Variants in REXO1 observed in about 807,000 individuals in gnomAD.
REXO1 encodes RNA exonuclease 1 homolog.
A neutral mutation model predicts 102.6 loss-of-function variants in REXO1; 42 were observed. The observed-to-expected ratio is 0.41, with a 90% CI of 0.32 to 0.53. The LOEUF is 0.53. REXO1 is among the 20% of genes least tolerant of loss of function. The pLI is 0.27. For missense variants in REXO1, 1,819 were observed against 1,732.5 expected, an observed-to-expected ratio of 1.05 and a Z score of -0.89; for synonymous variants, 908 against 779.1, an observed-to-expected ratio of 1.17 and a Z score of -2.76.
In REXO1 at chr19:1,827,510, C is replaced by T. The variant is rs1599144415; in HGVS notation, c.1279G>A (p.Ala427Thr). ...TTCTTGGTCCCTTCCGGCCGCTCTG[C>T]CTTGCGCCGGGGGCTGCTGGCCTGC... is the stretch of plus-strand genomic sequence containing the variant. ...GPQASSPRRK[A>T]ERPEGTKKKP... The change falls in exon 2 of 16, where the codon GCA becomes ACA. Residue 427 changes from alanine to threonine, a missense_variant. Ala to Thr is a moderately conservative substitution (Grantham distance 58). Coordinates refer to ENST00000170168, the MANE Select transcript of REXO1 (RefSeq NM_020695.4). 6.3e-7 allele frequency: 1 copy of T among 1,582,926 alleles called. No homozygotes were observed. Among genetic ancestry groups the T allele is most frequent in the Non-Finnish European group, 8.5e-7 (1 of 1,173,670 alleles).
In REXO1 at chr19:1,817,215, T is replaced by G. The variant is rs201459041; in HGVS notation, c.3201+4A>C. ...ACCCGACGCTGGGCAGAGAACAGCCTCACCATCTCGCAGTCCAGGGCGTAG... is the reference window on the plus strand; with the variant it reads ...ACCCGACGCTGGGCAGAGAACAGCCGCACCATCTCGCAGTCCAGGGCGTAG... On this transcript the variant is annotated splice_donor_region_variant and intron_variant, in intron 12 of 15. Transcript: ENST00000170168. 34 of 1,612,152 alleles carry G rather than the reference T, an allele frequency of 2.1e-5. No individual in the cohort carries two copies. In the East Asian group the frequency reaches 6.5e-4, roughly 31 times the overall value.
chr19:1,816,628 CGGGGGA>C, intron 13 of REXO1, 59 bp from the exon 14 acceptor site: 1 of 189,050 alleles, frequency 5.3e-6, no homozygotes, highest in Non-Finnish European at 1.0e-5. Context: ...GCTGGTGGGG[CGGGGGA>C]GGGTGGGTCC....
At chr19:1,817,556 G>C (rs959165024) in intron 11 of REXO1, 151 bp downstream of exon 11, 10 of 1,447,918 alleles carry the variant, frequency 6.9e-6, no homozygotes, top group Non-Finnish European at 9.2e-6. Context: ...GGGCCTACGG[G>C]TGCTACGTTC....
chr19:1,817,520 TG>T (rs1420597466), intron 11 of REXO1, 186 bp downstream of exon 11: 2 of 1,465,430 alleles, frequency 1.4e-6, no homozygotes, highest in African/African-American at 1.4e-5. Context: ...CTTCCCAGGA[TG>T]GGAAGTGGCC....
chr19:1,825,186 G>A (rs1195063557), intron 3 of REXO1, among the ~76,000 whole-genome samples: 1 of 150,276 alleles, frequency 6.7e-6, no homozygotes, highest in Non-Finnish European at 1.5e-5. Context: ...TGTAATCCCA[G>A]GTACTCGGGA....
At position 1,826,022 on chromosome 19, in the gene REXO1, G is replaced by T; in HGVS notation, c.1912-79C>A. ...CACACCCCAACCTCAAACTGCCCCC[G>T]GCAAGTGGGGAATGGAACAGTCCAG... is the stretch of plus-strand genomic sequence containing the variant. On this transcript the variant is annotated intron_variant, in intron 2 of 15. Transcript: ENST00000170168. The surrounding 1 kb of genome is among the most constrained non-coding windows in gnomAD (Gnocchi z 4.3). 9.9e-7 allele frequency: 1 copy of T among 1,005,386 alleles called. No homozygotes were observed. Among genetic ancestry groups the T allele is most frequent in the Non-Finnish European group, 1.6e-6 (1 of 637,814 alleles). 62.3% of individuals were successfully genotyped at this position (1,005,386 alleles called of 1,614,324 possible).
chr19:1,845,083 G>A (rs1303263549), intron 1 of REXO1, among the ~76,000 whole-genome samples: 1 of 152,192 alleles, frequency 6.6e-6, no homozygotes, highest in Non-Finnish European at 1.5e-5. Context: ...AGTGGGCAGA[G>A]GCCTGGGTTC....
At chr19:1,822,086 T>C in intron 4 of REXO1, 1 of 433,954 alleles carries the variant, frequency 2.3e-6, no homozygotes, top group Non-Finnish European at 4.0e-6. Context: ...TGCCTTGCCC[T>C]TTGATGAAGT....
At position 1,826,091 on chromosome 19, in the gene REXO1, G is replaced by A; in HGVS notation, c.1912-148C>T. The A allele has an allele frequency of 3.2e-6, 2 of 626,020 alleles. No homozygotes were observed. Among genetic ancestry groups the A allele is most frequent in the East Asian group, 2.8e-5 (1 of 35,816 alleles). 38.8% of individuals were successfully genotyped at this position (626,020 alleles called of 1,614,324 possible). A position where few individuals can be genotyped will look rare whatever the true frequency, so the allele number is the denominator to read the frequency against. On this transcript the variant is annotated intron_variant, in intron 2 of 15. Coordinates refer to ENST00000170168, the MANE Select transcript of REXO1 (RefSeq NM_020695.4). The surrounding 1 kb of genome is among the most constrained non-coding windows in gnomAD (Gnocchi z 4.3). ...GAGGGCTCAGGGCCAACAGTCCCTG[G>A]GCTTTGTGTGGGTGCAGTCGGAGGG... is the stretch of plus-strand genomic sequence containing the variant.
In REXO1 at chr19:1,827,462, C is replaced by T; in HGVS notation, c.1327G>A (p.Val443Met). 6.4e-7 allele frequency: 1 copy of T among 1,570,204 alleles called. No individual in the cohort carries two copies. The highest frequency in any genetic ancestry group is 8.6e-7 in the Non-Finnish European group (1 of 1,169,070). The change falls in exon 2 of 16, where the codon GTG (valine) becomes ATG (methionine). Residue 443 changes from valine to methionine, a missense_variant. Transcript: ENST00000170168. ...TKKKPSSATP[V>M]ATSGKGRPDR... ...GGCCTCCCTTTCCCTGAGGTGGCCA[C>T]AGGAGTGGCCGAAGATGGCTTCTTC...
Position 1,848,198 on chromosome 19 carries a change from T to G in REXO1, c.157+4A>C. On this transcript the variant is annotated splice_donor_region_variant and intron_variant, in intron 1 of 15. Coordinates refer to ENST00000170168, the MANE Select transcript of REXO1 (RefSeq NM_020695.4). ...CCCAAGGCAAGCAGGCGGGCGGGCA[T>G]TACCTGCTGCGGGGGGCGCCTCTCC... is the stretch of plus-strand genomic sequence containing the variant. The G allele has an allele frequency of 8.2e-7, 1 of 1,214,566 alleles. No individual in the cohort carries two copies. Among genetic ancestry groups the G allele is most frequent in the Non-Finnish European group, 1.0e-6 (1 of 972,712 alleles). 75.2% of individuals were successfully genotyped at this position (1,214,566 alleles called of 1,614,324 possible).
In REXO1 at chr19:1,818,715, G is replaced by A; in HGVS notation, c.2893C>T (p.Pro965Ser). 2 of 1,610,982 alleles carry A rather than the reference G, an allele frequency of 1.2e-6. No individual in the cohort carries two copies. Among genetic ancestry groups the A allele is most frequent in the Non-Finnish European group, 1.7e-6 (2 of 1,179,888 alleles). ...AIIFTAEEKR[P>S]KDSSCRTCCR... ...CAGGCCAGCGACTCACAGTCCTTGG[G>A]CCTCTTCTCCTCAGCTGTGAAGATG... The change falls in exon 9 of 16, where the codon CCC (proline) becomes TCC (serine). Residue 965 changes from proline (P) to serine (S), a missense_variant. Physicochemically the swap from Pro to Ser is moderately conservative, Grantham distance 74 (BLOSUM62 -1). Coordinates refer to ENST00000170168, the MANE Select transcript of REXO1 (RefSeq NM_020695.4).
intron 1 of REXO1, chr19:1,834,883 A>T: frequency 3.3e-6 from 1 of 307,468 alleles, no homozygotes; most frequent in Admixed American, 3.3e-5. Flanking sequence ...GAGAAGACTG[A>T]GATCAGGATC....
intron 1 of REXO1, among the ~76,000 whole-genome samples, chr19:1,829,294 A>G (rs1167591169): frequency 1.3e-5 from 2 of 151,936 alleles, no homozygotes; most frequent in Admixed American, 1.3e-4. Context: ...GCTGGAGTAT[A>G]GTGGTGCGAT....
chr19:1,815,841 C>T lies in REXO1; in HGVS notation c.*225G>A. On this transcript the variant is annotated 3_prime_UTR_variant, in exon 16 of 16. Transcript: ENST00000170168. This position sits in a 1 kb window ranked among gnomAD's most constrained non-coding sequence, Gnocchi z 4.0. ...CCATCAGCAGCAGTTTCTAGAGACGCCAGAGGGCTGGGGGGCAGAGGGTGG... is the reference window on the plus strand; with the variant it reads ...CCATCAGCAGCAGTTTCTAGAGACGTCAGAGGGCTGGGGGGCAGAGGGTGG... 6.6e-7 allele frequency: 1 copy of T among 1,518,036 alleles called. No individual in the cohort carries two copies. Among genetic ancestry groups the T allele is most frequent in the Non-Finnish European group, 8.8e-7 (1 of 1,136,810 alleles). The allele number at this position is 1,518,036 out of a possible 1,614,324, so 94.0% of individuals were successfully genotyped here.
intron 1 of REXO1, 116 bp from the exon 2 acceptor site, chr19:1,828,747 C>G (rs1323773004): frequency 7.7e-7 from 1 of 1,305,610 alleles, no homozygotes; most frequent in African/African-American, 1.5e-5. Context: ...CGAAACCCAC[C>G]ACGCACTGGC....
At chr19:1,816,180 C>A (rs763988557) in intron 15 of REXO1, 26 bp from the exon 16 acceptor site, 5 of 1,557,932 alleles carry the variant, frequency 3.2e-6, no homozygotes, top group Non-Finnish European at 4.3e-6. Context: ...GGTGAGCACC[C>A]GGCCCCTGCG....
chr19:1,846,459 G>A (rs541695802), intron 1 of REXO1, among the ~76,000 whole-genome samples: 4 of 152,352 alleles, frequency 2.6e-5, no homozygotes, highest in Admixed American at 1.3e-4. Context: ...ATGCAGACAC[G>A]CCATGGTAAG....
chr19:1,840,017 AG>A (rs2011213964), intron 1 of REXO1, among the ~76,000 whole-genome samples: 2 of 152,124 alleles, frequency 1.3e-5, no homozygotes, highest in South Asian at 4.1e-4. Flanking sequence ...AGGAGGAGGG[AG>A]GGGTCTCAGA....
Sources: gnomAD v4.1 joint callset for allele counts (sites outside exome capture counted in the v4.1 genomes callset) on GRCh38, gnomAD v4.1.1 for gene constraint, Gnocchi (gnomAD v3.1) non-coding constraint, MANE v1.5 for transcripts, NCBI Gene and HGNC (gene_info 2026-07-23, HGNC 2026-07-21) for gene names.